The following CLYBL variants were observed in gnomAD, a reference collection of about 807,000 sequenced individuals.
The protein encoded by CLYBL is citramalyl-CoA lyase, mitochondrial.
CLYBL carries 31 observed loss-of-function variants against 38.9 expected under a neutral mutation model. The ratio of observed to expected loss-of-function variants is 0.80; its 90% CI spans 0.60 to 1.08. CLYBL has a LOEUF of 1.08. Ranked by LOEUF, CLYBL falls within the 50% of genes least tolerant of loss-of-function variation. The probability of loss-of-function intolerance (pLI) is 0.00; values close to 1 mark genes in which losing one functional copy is unlikely to be tolerated. For missense variants in CLYBL, 434 were observed against 411.6 expected (o/e 1.05, Z -0.47); for synonymous variants, 171 against 158.6 (o/e 1.08, Z -0.59).
At chr13:99,625,273 G>C (rs2046853118) in intron 1 of CLYBL, among the ~76,000 whole-genome samples, 1 of 152,214 alleles carries the variant, frequency 6.6e-6, no homozygotes, top group Admixed American at 6.5e-5. Context: ...CTCAGACCTT[G>C]CATGGCCCCA....
Position 99,849,267 on chromosome 13 carries a change from G to C in CLYBL, c.250-9594G>C, listed in dbSNP as rs1196507570. Among the ~76,000 whole-genome samples the C allele has an allele frequency of 6.6e-6, 1 of 151,986 alleles. No homozygotes were observed. The highest frequency in any genetic ancestry group is 1.9e-4 in the East Asian group (1 of 5,184). On this transcript the variant is annotated intron_variant, in intron 2 of 8. Transcript: ENST00000339105. The surrounding 1 kb of genome is among the most constrained non-coding windows in gnomAD (Gnocchi z 4.9). The stretch of plus-strand genomic sequence containing the variant: ...TGGTGCATGTCTGTAGTCCCAGTTA[G>C]TCGGGAGGCCGTGGTGGGAGGATTG...
chr13:99,834,451 A>C (rs2050889477), intron 2 of CLYBL, among the ~76,000 whole-genome samples: 1 of 152,200 alleles, frequency 6.6e-6, no homozygotes, highest in South Asian at 2.1e-4. Flanking sequence ...CCTCAAAGTC[A>C]GCATTGCAGG....
intron 7 of CLYBL, among the ~76,000 whole-genome samples, chr13:99,882,832 C>T (rs895166007): frequency 4.6e-5 from 7 of 152,060 alleles, no homozygotes; most frequent in Non-Finnish European, 1.0e-4. Context: ...GTTATAGTTG[C>T]CAAGACAATC....
intron 2 of CLYBL, among the ~76,000 whole-genome samples, chr13:99,854,823 T>C (rs2051419756): frequency 6.6e-6 from 1 of 152,156 alleles, no homozygotes; most frequent in African/African-American, 2.4e-5. Context: ...AGGAATCCAG[T>C]CTCTGAAATC....
At chr13:99,631,789 G>A (rs576906007) in intron 1 of CLYBL, among the ~76,000 whole-genome samples, 1 of 152,222 alleles carries the variant, frequency 6.6e-6, no homozygotes, top group East Asian at 1.9e-4. Context: ...AGTAGAGACG[G>A]GGTTTCACCA....
intron 2 of CLYBL, among the ~76,000 whole-genome samples, chr13:99,811,693 C>T (rs1251741752): frequency 1.3e-5 from 2 of 152,164 alleles, no homozygotes; most frequent in African/African-American, 4.8e-5. Context: ...CTCCAGCTGC[C>T]TCCTAAAGCA....
At chr13:99,826,995 C>A (rs2050708164) in intron 2 of CLYBL, among the ~76,000 whole-genome samples, 1 of 152,216 alleles carries the variant, frequency 6.6e-6, no homozygotes, top group Non-Finnish European at 1.5e-5. Context: ...GTGCCAAGAT[C>A]ACTCAGGAGA....
chr13:99,814,390 C>T (rs2050400501), intron 2 of CLYBL, among the ~76,000 whole-genome samples: 1 of 152,216 alleles, frequency 6.6e-6, no homozygotes, highest in Admixed American at 6.5e-5. Flanking sequence ...CTAGAGTTTT[C>T]CCAAAAGCAT....
chr13:99,892,153 G>A (rs969016413), intron 8 of CLYBL: 3 of 152,102 alleles, frequency 2.0e-5, no homozygotes, highest in Admixed American at 1.3e-4. Context: ...TTATTTTCCC[G>A]TTTAACTGTT....
At position 99,862,775 on chromosome 13, in the gene CLYBL, G is replaced by T. The variant is rs751618536; in HGVS notation, c.439-216G>T. Among the ~76,000 whole-genome samples, 125 of 152,114 alleles carry T rather than the reference G, an allele frequency of 8.2e-4. 2 individuals are homozygous for T. Among genetic ancestry groups the T allele is most frequent in the Admixed American group, 2.5e-3 (38 of 15,272 alleles). The stretch of plus-strand genomic sequence containing the variant: ...GTTGCTCCTTTGGGAGAAAAAAATT[G>T]TAATGCTTAGGATTTTACTATTTAG... On this transcript the variant is annotated intron_variant, in intron 3 of 8. Transcript: ENST00000339105.
At chr13:99,670,103 G>A (rs1282543142) in intron 1 of CLYBL, among the ~76,000 whole-genome samples, 1 of 152,134 alleles carries the variant, frequency 6.6e-6, no homozygotes, top group Non-Finnish European at 1.5e-5. Context: ...AGAGGCTGAG[G>A]TATGAGAATT....
At chr13:99,667,305 C>T (rs1042711868) in intron 1 of CLYBL, among the ~76,000 whole-genome samples, 10 of 152,056 alleles carry the variant, frequency 6.6e-5, no homozygotes, top group Non-Finnish European at 1.2e-4. Flanking sequence ...ACATCAAGCT[C>T]GTAACTTGTC....
intron 1 of CLYBL, among the ~76,000 whole-genome samples, chr13:99,672,622 A>G (rs1594112182): frequency 6.6e-6 from 1 of 151,920 alleles, no homozygotes; most frequent in East Asian, 1.9e-4. Context: ...AAAAAAAAAA[A>G]AAAGTTAGCC....
intron 7 of CLYBL, chr13:99,877,529 T>G: frequency 2.8e-6 from 1 of 357,460 alleles, no homozygotes; most frequent in South Asian, 2.2e-5. Context: ...ATTCTTTTAT[T>G]TATTTATTTT....
At position 99,775,934 on chromosome 13, in the gene CLYBL, T is replaced by C. The variant is rs188675734; in HGVS notation, c.249+2924T>C. On this transcript the variant is annotated intron_variant, in intron 2 of 8. Transcript: ENST00000339105. The stretch of plus-strand genomic sequence containing the variant: ...ATCCCAGCACTTTGGGAGGCTGAGG[T>C]GGGCAGATCACAAGGTCAGGAGATC... 1.8e-3 allele frequency among the ~76,000 whole-genome samples: 276 copies of C among 150,274 alleles called. 3 individuals are homozygous for C. Among genetic ancestry groups the C allele is most frequent in the East Asian group, 3.6e-3 (18 of 4,988 alleles).
At chr13:99,647,438 GC>G (rs2047193632) in intron 1 of CLYBL, among the ~76,000 whole-genome samples, 1 of 116,730 alleles carries the variant, frequency 8.6e-6, no homozygotes, top group Middle Eastern at 4.1e-3. Context: ...CCCCGGCCCC[GC>G]CCCCCATCAC....
chr13:99,745,818 A>G (rs1172179132), intron 1 of CLYBL, among the ~76,000 whole-genome samples: 1 of 152,134 alleles, frequency 6.6e-6, no homozygotes, highest in African/African-American at 2.4e-5. Flanking sequence ...ATTCAGTGCT[A>G]GAGAGTGATC....
intron 1 of CLYBL, among the ~76,000 whole-genome samples, chr13:99,722,306 C>T (rs1271332244): frequency 3.3e-5 from 5 of 152,296 alleles, no homozygotes; most frequent in South Asian, 2.1e-4. Context: ...TGACAGCCCT[C>T]GGTGGATACA....
At chr13:99,800,902 A>C (rs368656087) in intron 2 of CLYBL, among the ~76,000 whole-genome samples, 3,640 of 133,272 alleles carry the variant, frequency 0.027, 79 homozygotes, top group South Asian at 0.073. Context: ...AACAAAAAAA[A>C]AAAACAAAAA....
Sources: gnomAD v4.1 joint callset for allele counts (sites outside exome capture counted in the v4.1 genomes callset) on GRCh38, gnomAD v4.1.1 for gene constraint, Gnocchi (gnomAD v3.1) non-coding constraint, MANE v1.5 for transcripts, NCBI Gene and HGNC (gene_info 2026-07-23, HGNC 2026-07-21) for gene names.